Variants in ATXN1 observed in about 807,000 individuals in gnomAD.
ATXN1 encodes ataxin-1.
A neutral mutation model predicts 56.4 loss-of-function variants in ATXN1; 8 were observed. That is an observed-to-expected ratio of 0.14 (90% CI 0.08 to 0.26). ATXN1 has a LOEUF of 0.26. Among genes scored for constraint, ATXN1 ranks in the 10% least tolerant of loss-of-function variants. The pLI is 1.00. For synonymous variants in ATXN1, 514 were observed against 494.6 expected (o/e 1.04, Z -0.52); for missense variants, 987 against 1,106.5 (o/e 0.89, Z 1.53).
intron 1 of ATXN1, among the ~76,000 whole-genome samples, chr6:16,755,803 G>A (rs1760870850): frequency 1.3e-5 from 2 of 151,464 alleles, no homozygotes; most frequent in Admixed American, 1.3e-4. Flanking sequence ...CTCAAATTCT[G>A]AGTACACTAC....
chr6:16,530,544 G>A (rs977157853), intron 4 of ATXN1, among the ~76,000 whole-genome samples: 2 of 152,142 alleles, frequency 1.3e-5, no homozygotes, highest in African/African-American at 2.4e-5. Context: ...TATTTGGACT[G>A]TACAAAACGA....
chr6:16,575,294 C>T (rs921551608), intron 4 of ATXN1, among the ~76,000 whole-genome samples: 5 of 152,226 alleles, frequency 3.3e-5, no homozygotes, highest in African/African-American at 9.6e-5. Flanking sequence ...ATGCATCCAT[C>T]GGTGGGACTT....
chr6:16,662,751 T>C (rs1194980333), intron 2 of ATXN1, among the ~76,000 whole-genome samples: 1 of 152,220 alleles, frequency 6.6e-6, no homozygotes, highest in Non-Finnish European at 1.5e-5. Context: ...CCTCTTGCTG[T>C]TTGAAGAGCA....
rs372431545 is a variant in ATXN1, at chr6:16,527,285, C to T, written c.-360-4597G>A. ...GAGGCTGGGGAAGTGAGCATATCCC[C>T]GCAATGGGCAGAGTGTGTGGAAATC... On this transcript the variant is annotated intron_variant, in intron 4 of 7. Coordinates refer to ENST00000436367, the MANE Select transcript of ATXN1 (RefSeq NM_001128164.2). Among the ~76,000 whole-genome samples, 170 of 152,058 alleles carry T rather than the reference C, an allele frequency of 1.1e-3. 4 individuals carry two copies. The South Asian group carries it at 0.033, about 30-fold the overall frequency.
chr6:16,647,809 C>T (rs1763826066), intron 3 of ATXN1, among the ~76,000 whole-genome samples: 1 of 152,240 alleles, frequency 6.6e-6, no homozygotes, highest in African/African-American at 2.4e-5. Context: ...GGCGCAGTGG[C>T]TCACGCCTGT....
chr6:16,623,940 A>G (rs1008336121), intron 3 of ATXN1, among the ~76,000 whole-genome samples: 3 of 152,360 alleles, frequency 2.0e-5, no homozygotes, highest in African/African-American at 7.2e-5. Flanking sequence ...TTCACCCTCT[A>G]TGAGGTATCT....
intron 6 of ATXN1, among the ~76,000 whole-genome samples, chr6:16,449,714 C>T (rs1020565127): frequency 2.0e-5 from 3 of 152,052 alleles, no homozygotes; most frequent in South Asian, 2.1e-4. Context: ...TAAGTGAACA[C>T]GTTTTAAGTG....
intron 6 of ATXN1, among the ~76,000 whole-genome samples, chr6:16,460,742 A>C (rs1343430621): frequency 6.6e-6 from 1 of 152,224 alleles, no homozygotes; most frequent in East Asian, 1.9e-4. Flanking sequence ...TACCGATGGA[A>C]GTTCATTTGT....
intron 4 of ATXN1, among the ~76,000 whole-genome samples, chr6:16,584,933 T>C (rs1762596159): frequency 6.6e-6 from 1 of 152,106 alleles, no homozygotes; most frequent in East Asian, 1.9e-4. Flanking sequence ...ATTTTTGGCA[T>C]CATGAAAGCA....
At chr6:16,318,749 T>C (rs1213559097) in intron 7 of ATXN1, among the ~76,000 whole-genome samples, 6 of 152,184 alleles carry the variant, frequency 3.9e-5, no homozygotes, top group Non-Finnish European at 7.3e-5. Context: ...AAGCTGGGTT[T>C]TTCTTACACA....
At chr6:16,671,783 T>C (rs1758546726) in intron 2 of ATXN1, among the ~76,000 whole-genome samples, 1 of 152,180 alleles carries the variant, frequency 6.6e-6, no homozygotes. Context: ...AATACGAATA[T>C]GGTTGAATAT....
intron 6 of ATXN1, among the ~76,000 whole-genome samples, chr6:16,480,929 C>G (rs998800346): frequency 6.6e-6 from 1 of 152,196 alleles, no homozygotes; most frequent in Admixed American, 6.5e-5. Flanking sequence ...GCTCTGACAC[C>G]ACTTCTTAGA....
At chr6:16,672,964 A>G (rs954115494) in intron 2 of ATXN1, among the ~76,000 whole-genome samples, 19 of 146,940 alleles carry the variant, frequency 1.3e-4, no homozygotes, top group African/African-American at 4.6e-4. Flanking sequence ...CACTGAGCCA[A>G]TATGTGCCAC....
At chr6:16,533,494 T>C (rs1761542631) in intron 4 of ATXN1, among the ~76,000 whole-genome samples, 1 of 152,218 alleles carries the variant, frequency 6.6e-6, no homozygotes, top group South Asian at 2.1e-4. Context: ...ATGGCCAGAA[T>C]GCTTGCAATA....
At chr6:16,736,483 G>A (rs1406494263) in intron 2 of ATXN1, among the ~76,000 whole-genome samples, 1 of 152,160 alleles carries the variant, frequency 6.6e-6, no homozygotes, top group Non-Finnish European at 1.5e-5. Flanking sequence ...AAATGCTAGA[G>A]GGGAATTATC....
Position 16,300,346 on chromosome 6 carries a change from CTG to C in ATXN1, c.*5981_*5982del, listed in dbSNP as rs1035680478. The C allele has an allele frequency of 2.1e-4, 32 of 152,746 alleles. No individual in the cohort carries two copies. Among genetic ancestry groups the C allele is most frequent in the African/African-American group, 7.7e-4 (32 of 41,584 alleles). The allele number at this position is 152,746 out of a possible 1,614,324, so 9.5% of individuals were successfully genotyped here. A position where few individuals can be genotyped will look rare whatever the true frequency, so the allele number is the denominator to read the frequency against. On this transcript the variant is annotated 3_prime_UTR_variant, in exon 8 of 8. Coordinates refer to ENST00000436367, the MANE Select transcript of ATXN1 (RefSeq NM_001128164.2). Reference sequence around the variant, plus strand: ...ATGCAAGTCATGGGGACATGAAAAACTGAAGCCGGTGTTCCCTCCCGCCATTA... The same window carrying C: ...ATGCAAGTCATGGGGACATGAAAAACAAGCCGGTGTTCCCTCCCGCCATTA...
chr6:16,638,146 T>TA (rs1215202159), intron 3 of ATXN1, among the ~76,000 whole-genome samples: 1 of 152,030 alleles, frequency 6.6e-6, no homozygotes, highest in East Asian at 1.9e-4. Flanking sequence ...TTAGGGTCTT[T>TA]AAGAAAAGAT....
At chr6:16,657,123 A>G (rs1758220819) in intron 3 of ATXN1, among the ~76,000 whole-genome samples, 1 of 150,366 alleles carries the variant, frequency 6.7e-6, no homozygotes, top group African/African-American at 2.5e-5. Flanking sequence ...AGCTGGGACT[A>G]CAAGCGCCCG....
intron 5 of ATXN1, among the ~76,000 whole-genome samples, chr6:16,505,699 G>T (rs373076472): frequency 2.0e-5 from 3 of 152,148 alleles, no homozygotes; most frequent in Non-Finnish European, 4.4e-5. Context: ...TCACTGACCC[G>T]TGTACACGGT....
Sources: allele counts gnomAD v4.1 joint callset (sites outside exome capture counted in the v4.1 genomes callset), GRCh38; gene constraint gnomAD v4.1.1; transcripts MANE v1.5; gene names NCBI Gene and HGNC (gene_info 2026-07-23, HGNC 2026-07-21).